The following PLCG2 variants were observed in gnomAD, a reference collection of about 807,000 sequenced individuals.
PLCG2 encodes the protein 1-phosphatidylinositol 4,5-bisphosphate phosphodiesterase gamma-2.
In PLCG2, 69 loss-of-function variants were observed where a neutral mutation model predicts 175.6. The ratio of observed to expected loss-of-function variants is 0.39; its 90% CI spans 0.32 to 0.48. The LOEUF (loss-of-function observed/expected upper bound fraction) is 0.48. Ranked by LOEUF, PLCG2 falls within the 20% of genes least tolerant of loss-of-function variation. The pLI is 0.91. For synonymous variants in PLCG2, 827 were observed against 624.0 expected (o/e 1.33, Z -4.85); for missense variants, 1,798 against 1,650.9 (o/e 1.09, Z -1.54).
At chr16:81,801,133 A>G (rs1246608692) in intron 2 of PLCG2, among the ~76,000 whole-genome samples, 2 of 152,172 alleles carry the variant, frequency 1.3e-5, no homozygotes, top group African/African-American at 4.8e-5. Flanking sequence ...GAGTAAAGCT[A>G]TTATGCATGT....
At chr16:81,947,943 G>C (rs181242905) in intron 31 of PLCG2, among the ~76,000 whole-genome samples, 99 of 152,252 alleles carry the variant, frequency 6.5e-4, no homozygotes, top group African/African-American at 1.8e-3. Flanking sequence ...TCCATAGTCA[G>C]ATTCATACAG....
chr16:81,898,006 AG>A, intron 13 of PLCG2: 2 of 372,160 alleles, frequency 5.4e-6, no homozygotes, highest in Non-Finnish European at 1.1e-5. Context: ...GTGGGGTCCT[AG>A]CCCTTCTAAG....
upstream of PLCG2, among the ~76,000 whole-genome samples, chr16:81,778,074 ACAC>A (rs1567458040): frequency 3.0e-4 from 15 of 50,448 alleles, 1 homozygote; most frequent in Middle Eastern, 8.2e-3. Context: ...CCAAAAACAC[ACAC>A]ACACAAAAAA....
chr16:81,946,179 C>G lies in PLCG2; in HGVS notation c.3486C>G (p.Phe1162Leu), dbSNP rs757380364. ...TYPIKAVKSG[F>L]RSVPLKNGYS... ...TTCCTCCTTGTTCTGCTTCAGGATT[C>G]AGGTCCGTTCCTCTGAAGAATGGGT... is the stretch of plus-strand genomic sequence containing the variant. The change falls in exon 31 of 33, where the codon TTC (phenylalanine) becomes TTG (leucine). Residue 1162 changes from phenylalanine (F) to leucine (L), a missense_variant. Phe to Leu is a conservative substitution (Grantham distance 22). Transcript: ENST00000564138. The G allele has an allele frequency of 4.3e-6, 7 of 1,612,996 alleles. No individual in the cohort carries two copies. In the South Asian group the frequency reaches 7.7e-5, roughly 18 times the overall value.
intron 1 of PLCG2, among the ~76,000 whole-genome samples, chr16:81,749,253 A>G (rs1909760565): frequency 2.0e-5 from 3 of 152,296 alleles, no homozygotes; most frequent in South Asian, 2.1e-4. Flanking sequence ...CATCTCTATA[A>G]TCCCTGAAGA....
intron 17 of PLCG2, among the ~76,000 whole-genome samples, chr16:81,909,888 G>A (rs891990519): frequency 6.6e-6 from 1 of 152,056 alleles, no homozygotes; most frequent in African/African-American, 2.4e-5. Context: ...GTAATACAGT[G>A]TGGCTCAGAC....
chr16:81,785,205 A>T (rs1304831132), intron 1 of PLCG2, among the ~76,000 whole-genome samples: 1 of 152,170 alleles, frequency 6.6e-6, no homozygotes, highest in Admixed American at 6.5e-5. Flanking sequence ...CTGACCACCC[A>T]CAAGCATAAA....
chr16:81,743,024 G>T (rs955926364), intron 1 of PLCG2, among the ~76,000 whole-genome samples: 3 of 152,198 alleles, frequency 2.0e-5, no homozygotes, highest in Non-Finnish European at 4.4e-5. Flanking sequence ...AGTCTAGCTG[G>T]GTTCGGTGGC....
intron 19 of PLCG2, among the ~76,000 whole-genome samples, chr16:81,916,858 G>A (rs188214018): frequency 1.7e-3 from 252 of 152,180 alleles, no homozygotes; most frequent in African/African-American, 5.1e-3. Flanking sequence ...GGCTGGTATC[G>A]AACTGCTGAC....
rs966386186 is a variant in PLCG2, at chr16:81,959,553, C to G, written c.*1555C>G. 1 of 204,954 alleles carries G rather than the reference C, an allele frequency of 4.9e-6. No homozygotes were observed. Among genetic ancestry groups the G allele is most frequent in the East Asian group, 7.4e-5 (1 of 13,524 alleles). The allele number at this position is 204,954 out of a possible 1,614,324, so 12.7% of individuals were successfully genotyped here. A position where few individuals can be genotyped will look rare whatever the true frequency, so the allele number is the denominator to read the frequency against. On this transcript the variant is annotated 3_prime_UTR_variant, in exon 33 of 33. Transcript: ENST00000564138. Reference sequence around the variant, plus strand: ...TTGAAGCCAGGAACACAGGGAACAGCAGTCTGGCCAAGGAAGGGCTGTTAT... The same window carrying G: ...TTGAAGCCAGGAACACAGGGAACAGGAGTCTGGCCAAGGAAGGGCTGTTAT...
chr16:81,904,422 G>A (rs1208741498), intron 14 of PLCG2, among the ~76,000 whole-genome samples: 1 of 152,218 alleles, frequency 6.6e-6, no homozygotes, highest in Non-Finnish European at 1.5e-5. Flanking sequence ...GCCTGCGTGG[G>A]AGTCCAGGTG....
chr16:81,900,276 G>T (rs904684817), intron 13 of PLCG2, among the ~76,000 whole-genome samples: 5 of 152,144 alleles, frequency 3.3e-5, no homozygotes, highest in Non-Finnish European at 7.4e-5. Context: ...TGTGCTGTCT[G>T]TTCATCTTTT....
At chr16:81,917,733 A>G (rs1264676409) in intron 19 of PLCG2, among the ~76,000 whole-genome samples, 2 of 151,872 alleles carry the variant, frequency 1.3e-5, no homozygotes, top group Non-Finnish European at 2.9e-5. Context: ...AAAATTTTTT[A>G]TTTTTTGAGA....
chr16:81,955,119 A>C (rs1183961354), intron 31 of PLCG2, among the ~76,000 whole-genome samples: 1 of 152,204 alleles, frequency 6.6e-6, no homozygotes. Flanking sequence ...ATCACCAAGG[A>C]CAGCCCATTT....
At chr16:81,820,455 G>A (rs1328935210) in intron 2 of PLCG2, among the ~76,000 whole-genome samples, 3 of 152,188 alleles carry the variant, frequency 2.0e-5, no homozygotes, top group Non-Finnish European at 2.9e-5. Flanking sequence ...TCTTTTGTGT[G>A]ATGTTCTCAA....
At chr16:81,774,739 A>G (rs114140301), upstream of PLCG2, among the ~76,000 whole-genome samples, 1,731 of 147,324 alleles carry the variant, frequency 0.012, 31 homozygotes, top group African/African-American at 0.038. Context: ...TAACCCTCTA[A>G]GGGTGTTTTT....
intron 2 of PLCG2, among the ~76,000 whole-genome samples, chr16:81,769,716 A>G (rs1198066492): frequency 7.1e-6 from 1 of 140,930 alleles, no homozygotes; most frequent in Non-Finnish European, 1.5e-5. Flanking sequence ...GCTACTTGGG[A>G]GGCTGAGGCA....
chr16:81,808,825 C>G (rs192791197), intron 2 of PLCG2, among the ~76,000 whole-genome samples: 22 of 152,292 alleles, frequency 1.4e-4, no homozygotes, highest in Admixed American at 1.2e-3. Flanking sequence ...GCTCCATAGC[C>G]TCTGTGGGCC....
chr16:81,879,076 G>A (rs1046514711), intron 7 of PLCG2, among the ~76,000 whole-genome samples: 6 of 152,178 alleles, frequency 3.9e-5, no homozygotes, highest in African/African-American at 1.4e-4. Context: ...AGCTCCCTGA[G>A]TGGGGGAATG....
Sources: allele counts gnomAD v4.1 joint callset (sites outside exome capture counted in the v4.1 genomes callset), GRCh38; gene constraint gnomAD v4.1.1; transcripts MANE v1.5; gene names NCBI Gene and HGNC (gene_info 2026-07-23, HGNC 2026-07-21).